The following GCNT1 variants were observed in gnomAD, a reference collection of about 807,000 sequenced individuals.
GCNT1 encodes beta-1,3-galactosyl-O-glycosyl-glycoprotein beta-1,6-N-acetylglucosaminyltransferase.
GCNT1 carries 16 observed loss-of-function variants against 26.2 expected under a neutral mutation model. The observed-to-expected ratio is 0.61, with a 90% confidence interval of 0.41 to 0.93. The LOEUF (loss-of-function observed/expected upper bound fraction) is 0.93. Ranked by LOEUF, GCNT1 falls within the 40% of genes least tolerant of loss-of-function variation. The pLI is 0.00. For synonymous variants in GCNT1, 183 were observed against 190.8 expected, an observed-to-expected ratio of 0.96 and a Z score of 0.34; for missense variants, 477 against 526.7, an observed-to-expected ratio of 0.91 and a Z score of 0.92.
At position 76,505,006 on chromosome 9, in the gene GCNT1, C is replaced by G. The variant is rs1825200756; in HGVS notation, c.*1338C>G. ...CAGATAATTTGGGGTTGCTATAATG[C>G]TGTCACACATCTCAAAGTACATTCA... On this transcript the variant is annotated 3_prime_UTR_variant, in exon 4 of 4. Coordinates refer to ENST00000376730, the MANE Select transcript of GCNT1 (RefSeq NM_001490.5). 2.4e-6 allele frequency: 1 copy of G among 413,110 alleles called. No homozygotes were observed. Among genetic ancestry groups the G allele is most frequent in the African/African-American group, 2.1e-5 (1 of 48,622 alleles). 25.6% of individuals were successfully genotyped at this position (413,110 alleles called of 1,614,324 possible).
At chr9:76,479,217 A>G (rs148372805) in intron 2 of GCNT1, among the ~76,000 whole-genome samples, 508 of 152,330 alleles carry the variant, frequency 3.3e-3, no homozygotes, top group Non-Finnish European at 5.7e-3. Flanking sequence ...ATAGTAGTCT[A>G]TGGTGTATAT....
the GCNT1 span, among the ~76,000 whole-genome samples, chr9:76,410,477 T>G: frequency 6.6e-6 from 1 of 151,966 alleles, no homozygotes; most frequent in Admixed American, 6.6e-5. Context: ...TAAGGCTGGG[T>G]GCGGTGGCTC....
chr9:76,394,242 C>T, the GCNT1 span: 1 of 1,481,428 alleles, frequency 6.8e-7, no homozygotes, highest in Non-Finnish European at 9.1e-7. Context: ...CGACGCGGCG[C>T]CCAGACCCCG....
At position 76,428,302 on chromosome 9, in the gene GCNT1, A is replaced by AAAAAAAAAAAAAAAAG. The variant is rs1222053703; in HGVS notation, n.38+8416_38+8417insAAAAAAAAAAAAAAGA. 2.8e-4 allele frequency among the ~76,000 whole-genome samples: 42 copies of AAAAAAAAAAAAAAAAG among 149,418 alleles called. 1 individual carries two copies. Among genetic ancestry groups the AAAAAAAAAAAAAAAAG allele is most frequent in the African/African-American group, 4.7e-4 (19 of 40,540 alleles). ...AAAAAAAAAAAAACTTAAAAAAAAA[A>AAAAAAAAAAAAAAAAG]AGAGAGAGAGAAATGGAGAAATGTT... On this transcript the variant is annotated intron_variant and non_coding_transcript_variant, in intron 1 of 3. Coordinates refer to the GCNT1 transcript ENST00000488136.
At chr9:76,451,948 C>CTTTTTTTTTTTTTTT (rs747978017) in intron 1 of GCNT1, among the ~76,000 whole-genome samples, 32 of 98,212 alleles carry the variant, frequency 3.3e-4, no homozygotes, top group Non-Finnish European at 3.8e-4. Flanking sequence ...TTCTTTCTTT[C>CTTTTTTTTTTTTTTT]TTTTTTTTTT....
chr9:76,399,608 A>G, the GCNT1 span: 1 of 1,098,110 alleles, frequency 9.1e-7, no homozygotes, highest in African/African-American at 1.5e-5. Context: ...ATAGGCTCTT[A>G]AGCAACATGG....
rs1191515840 is a variant in GCNT1 at position 76,447,690 on chromosome 9, A to G, written c.-290+5375A>G. ...GGGGGCCTCTGCCACACTTCACGCAATATTTACAAGTCAGTATGGAGGATG... is the reference window on the plus strand; with the variant it reads ...GGGGGCCTCTGCCACACTTCACGCAGTATTTACAAGTCAGTATGGAGGATG... On this transcript the variant is annotated intron_variant, in intron 1 of 2. Coordinates refer to the GCNT1 transcript ENST00000442371. 1.3e-5 allele frequency among the ~76,000 whole-genome samples: 2 copies of G among 152,210 alleles called. 1 individual carries two copies. Among genetic ancestry groups the G allele is most frequent in the Non-Finnish European group, 2.9e-5 (2 of 68,042 alleles).
intron 1 of GCNT1, among the ~76,000 whole-genome samples, chr9:76,433,051 C>T (rs764835282): frequency 1.3e-5 from 2 of 152,076 alleles, no homozygotes; most frequent in South Asian, 4.1e-4. Context: ...CCCTTGTGGC[C>T]CCTCTCTACT....
chr9:76,491,003 C>CTGA (rs1212446753), intron 2 of GCNT1, among the ~76,000 whole-genome samples: 3 of 152,270 alleles, frequency 2.0e-5, no homozygotes, highest in Admixed American at 6.5e-5. Context: ...TACAGTGTTA[C>CTGA]AGGGAAGACC....
intron 2 of GCNT1, among the ~76,000 whole-genome samples, chr9:76,473,647 A>T (rs974114670): frequency 2.6e-5 from 4 of 152,162 alleles, no homozygotes; most frequent in Non-Finnish European, 4.4e-5. Context: ...TTAGTTTTTT[A>T]AAAAAACAAC....
At chr9:76,463,455 G>A (rs1345322854) in intron 2 of GCNT1, among the ~76,000 whole-genome samples, 3 of 152,136 alleles carry the variant, frequency 2.0e-5, no homozygotes, top group Admixed American at 1.3e-4. Flanking sequence ...CTGCCACTAG[G>A]CACCTGGAGT....
chr9:76,468,289 T>A (rs555636887), intron 2 of GCNT1, among the ~76,000 whole-genome samples: 1 of 152,336 alleles, frequency 6.6e-6, no homozygotes, highest in African/African-American at 2.4e-5. Flanking sequence ...CCTGCTCACC[T>A]GGCCATCAAG....
At chr9:76,451,492 C>T (rs1185627450) in intron 1 of GCNT1, among the ~76,000 whole-genome samples, 4 of 152,068 alleles carry the variant, frequency 2.6e-5, no homozygotes, top group Non-Finnish European at 1.5e-5. Context: ...GTTGTTCCCA[C>T]AAAACCAGCT....
At chr9:76,420,461 A>AG (rs1823174628) in intron 1 of GCNT1, 1 of 151,864 alleles carries the variant, frequency 6.6e-6, no homozygotes, top group Admixed American at 6.6e-5. Context: ...TTATTTAGAG[A>AG]GAGGGGTCTT....
intron 1 of GCNT1, among the ~76,000 whole-genome samples, chr9:76,442,978 G>A (rs1252836194): frequency 3.9e-5 from 6 of 152,172 alleles, no homozygotes; most frequent in Non-Finnish European, 8.8e-5. Context: ...GGCATGAGAG[G>A]AAGCAGGAGA....
At chr9:76,419,633 G>A (rs1414048959), upstream of GCNT1, among the ~76,000 whole-genome samples, 1 of 152,024 alleles carries the variant, frequency 6.6e-6, no homozygotes, top group Non-Finnish European at 1.5e-5. Flanking sequence ...ACTCCAGCCT[G>A]GGGGACAAAT....
chr9:76,428,419 CT>C (rs1823288925), intron 1 of GCNT1, among the ~76,000 whole-genome samples: 1 of 151,510 alleles, frequency 6.6e-6, no homozygotes, highest in African/African-American at 2.4e-5. Flanking sequence ...AATTTATGAG[CT>C]ATTTTAAATA....
chr9:76,460,960 AGG>A (rs1823859288), intron 2 of GCNT1, among the ~76,000 whole-genome samples: 1 of 152,184 alleles, frequency 6.6e-6, no homozygotes, highest in Non-Finnish European at 1.5e-5. Context: ...TCACTTTTTA[AGG>A]AGTTACTCCT....
intron 2 of GCNT1, among the ~76,000 whole-genome samples, chr9:76,491,313 T>G (rs1438430070): frequency 1.3e-5 from 2 of 152,140 alleles, no homozygotes; most frequent in African/African-American, 4.8e-5. Flanking sequence ...TCTCCTCTCC[T>G]TCCCCTTTTT....
Sources: gnomAD v4.1 joint callset for allele counts (sites outside exome capture counted in the v4.1 genomes callset) on GRCh38, gnomAD v4.1.1 for gene constraint, MANE v1.5 for transcripts, NCBI Gene and HGNC (gene_info 2026-07-23, HGNC 2026-07-21) for gene names.